Variants in HACE1 observed in about 807,000 individuals in gnomAD.
The protein encoded by HACE1 is E3 ubiquitin-protein ligase HACE1.
In HACE1, 73 loss-of-function variants were observed where a neutral mutation model predicts 118.4. The observed-to-expected ratio is 0.62, with a 90% CI of 0.51 to 0.75. The LOEUF (loss-of-function observed/expected upper bound fraction) is 0.75, where lower values mean the gene tolerates loss of function less well. Among genes scored for constraint, HACE1 ranks in the 30% least tolerant of loss-of-function variants. The pLI, the probability that HACE1 is intolerant of heterozygous loss-of-function variation, is 0.00. For missense variants in HACE1, 749 were observed against 1,102.2 expected (o/e 0.68, Z 4.54); for synonymous variants, 368 against 374.8 (o/e 0.98, Z 0.21).
chr6:104,797,338 C>G (rs1328027966), intron 7 of HACE1, among the ~76,000 whole-genome samples: 1 of 150,936 alleles, frequency 6.6e-6, no homozygotes, highest in Non-Finnish European at 1.5e-5. Flanking sequence ...CATTCACTTC[C>G]TAATCCCTCT....
At chr6:104,764,077 A>T (rs1015705789) in intron 19 of HACE1, among the ~76,000 whole-genome samples, 1 of 151,916 alleles carries the variant, frequency 6.6e-6, no homozygotes, top group Non-Finnish European at 1.5e-5. Context: ...AGTACTGCAC[A>T]CTTTTTATTT....
chr6:104,823,335 G>A (rs968937699), intron 6 of HACE1, among the ~76,000 whole-genome samples: 1 of 151,880 alleles, frequency 6.6e-6, no homozygotes, highest in African/African-American at 2.4e-5. Flanking sequence ...TTCGGAGGCT[G>A]ACGCAGGAGA....
chr6:104,826,958 G>A (rs983387610), intron 6 of HACE1, among the ~76,000 whole-genome samples: 1 of 152,034 alleles, frequency 6.6e-6, no homozygotes, highest in Non-Finnish European at 1.5e-5. Context: ...AAAAGCATAG[G>A]GGATTTTCAT....
chr6:104,758,112 A>C (rs958366284), intron 19 of HACE1, among the ~76,000 whole-genome samples: 1 of 152,202 alleles, frequency 6.6e-6, no homozygotes, highest in Admixed American at 6.5e-5. Context: ...GAACCAAGTT[A>C]GAAAACACTC....
intron 19 of HACE1, among the ~76,000 whole-genome samples, chr6:104,759,813 T>C (rs1485787278): frequency 3.3e-5 from 5 of 151,372 alleles, no homozygotes; most frequent in African/African-American, 1.2e-4. Flanking sequence ...GCAAGACTAA[T>C]AAAGATGAAA....
At chr6:104,738,376 C>T (rs534016333) in intron 22 of HACE1, among the ~76,000 whole-genome samples, 8 of 149,212 alleles carry the variant, frequency 5.4e-5, no homozygotes, top group African/African-American at 1.5e-4. Flanking sequence ...CTCTGAGCTA[C>T]GGGAGGACAT....
At chr6:104,749,439 T>A (rs1159599802) in intron 20 of HACE1, among the ~76,000 whole-genome samples, 5 of 152,206 alleles carry the variant, frequency 3.3e-5, no homozygotes, top group African/African-American at 9.6e-5. Flanking sequence ...TATACTAAGA[T>A]ATACTATGAA....
chr6:104,773,110 CTTTTCCTAT>C (rs999026411), intron 17 of HACE1, among the ~76,000 whole-genome samples: 7 of 151,912 alleles, frequency 4.6e-5, no homozygotes, highest in South Asian at 2.1e-4. Flanking sequence ...AAATAACTTT[CTTTTCCTAT>C]TTTTCCTATT....
At chr6:104,825,259 C>T (rs1006900872) in intron 6 of HACE1, among the ~76,000 whole-genome samples, 8 of 152,082 alleles carry the variant, frequency 5.3e-5, no homozygotes, top group African/African-American at 1.7e-4. Flanking sequence ...TAACTTTCCA[C>T]GCCTAAGTAA....
At chr6:104,811,950 C>T (rs1771669086) in intron 6 of HACE1, among the ~76,000 whole-genome samples, 1 of 152,014 alleles carries the variant, frequency 6.6e-6, no homozygotes, top group South Asian at 2.1e-4. Context: ...TTGCTATTAA[C>T]AGTAGCATAT....
chr6:104,802,442 T>A (rs1403441415), intron 7 of HACE1, among the ~76,000 whole-genome samples: 1 of 152,158 alleles, frequency 6.6e-6, no homozygotes, highest in Non-Finnish European at 1.5e-5. Context: ...TCACACTTAT[T>A]CTAAAATTGA....
At position 104,729,926 on chromosome 6, in the gene HACE1, T is replaced by C. The variant is rs1434310243; in HGVS notation, c.2628-162A>G. On this transcript the variant is annotated intron_variant, in intron 23 of 23. Coordinates refer to ENST00000262903, the MANE Select transcript of HACE1 (RefSeq NM_020771.4). ...AGTGGTATTTAAAAAGAAGAAAAAA[T>C]CTGCTGCATTGCAGTTTCTTTCAGC... 2.0e-5 allele frequency among the ~76,000 whole-genome samples: 3 copies of C among 152,176 alleles called. No individual in the cohort carries two copies. In the East Asian group the frequency reaches 5.8e-4, roughly 29 times the overall value.
intron 18 of HACE1, among the ~76,000 whole-genome samples, 172 bp from the exon 19 acceptor site, chr6:104,771,561 CTG>C (rs1371797004): frequency 1.3e-5 from 2 of 152,050 alleles, no homozygotes; most frequent in African/African-American, 2.4e-5. Context: ...TAAATTAATT[CTG>C]TGTTTCTTTC....
At chr6:104,736,479 G>A (rs536758891) in intron 22 of HACE1, among the ~76,000 whole-genome samples, 2 of 151,918 alleles carry the variant, frequency 1.3e-5, no homozygotes, top group South Asian at 2.1e-4. Flanking sequence ...AGACGGTTTC[G>A]CCATGTTGCC....
chr6:104,739,208 A>T (rs1430668356), intron 22 of HACE1, among the ~76,000 whole-genome samples: 2 of 152,218 alleles, frequency 1.3e-5, no homozygotes, highest in Non-Finnish European at 2.9e-5. Flanking sequence ...GCCACTGCAA[A>T]ATCATGCCAA....
intron 5 of HACE1, among the ~76,000 whole-genome samples, chr6:104,841,477 G>A (rs553243393): frequency 2.0e-5 from 3 of 151,898 alleles, no homozygotes; most frequent in Admixed American, 6.6e-5. Context: ...AGCATCCTAC[G>A]GATATTCAGA....
chr6:104,766,593 C>A (rs950666520), intron 19 of HACE1, among the ~76,000 whole-genome samples: 3 of 152,156 alleles, frequency 2.0e-5, no homozygotes, highest in African/African-American at 7.2e-5. Flanking sequence ...AAAATTTAAT[C>A]ATATAAGACT....
chr6:104,813,882 G>A (rs2114984196), intron 6 of HACE1, among the ~76,000 whole-genome samples: 1 of 138,074 alleles, frequency 7.2e-6, no homozygotes, highest in South Asian at 2.2e-4. Flanking sequence ...AATTAGAAAA[G>A]TAACTGATAA....
intron 10 of HACE1, among the ~76,000 whole-genome samples, chr6:104,793,244 G>A (rs1418152916): frequency 6.9e-6 from 1 of 145,800 alleles, no homozygotes; most frequent in Non-Finnish European, 1.5e-5. Context: ...TCCAGCCTGG[G>A]CGATAGAGCG....
Sources: allele counts gnomAD v4.1 joint callset (sites outside exome capture counted in the v4.1 genomes callset), GRCh38; gene constraint gnomAD v4.1.1; transcripts MANE v1.5; gene names NCBI Gene and HGNC (gene_info 2026-07-23, HGNC 2026-07-21).